The following EPHA3 variants were observed in gnomAD, a reference collection of about 807,000 sequenced individuals.
The protein encoded by EPHA3 is ephrin type-A receptor 3.
A neutral mutation model predicts 107.1 loss-of-function variants in EPHA3; 42 were observed. The ratio of observed to expected loss-of-function variants is 0.39; its 90% CI spans 0.31 to 0.51. EPHA3 has a LOEUF of 0.51. EPHA3 is among the 20% of genes least tolerant of loss of function. EPHA3 has a pLI of 0.78. For synonymous variants in EPHA3, 461 were observed against 424.8 expected (o/e 1.09, Z -1.05); for missense variants, 1,183 against 1,211.2 (o/e 0.98, Z 0.35).
chr3:89,428,187 T>C (rs1709495208), intron 11 of EPHA3, among the ~76,000 whole-genome samples: 1 of 151,992 alleles, frequency 6.6e-6, no homozygotes, highest in African/African-American at 2.4e-5. Context: ...GTTACATTTT[T>C]CCCTCATTAT....
chr3:89,118,452 A>T (rs1707305353), intron 1 of EPHA3, among the ~76,000 whole-genome samples: 1 of 151,952 alleles, frequency 6.6e-6, no homozygotes, highest in African/African-American at 2.4e-5. Flanking sequence ...AACTAAAAAG[A>T]TATAAAATTA....
Position 89,120,437 on chromosome 3 carries a change from G to C in EPHA3, c.89-6772G>C, listed in dbSNP as rs181233170. ...GCACTAAAAATTCACTGGCAGTAGA[G>C]CATCACAACTCATTTATGTGAAAGG... On this transcript the variant is annotated intron_variant, in intron 1 of 16. Coordinates refer to ENST00000336596, the MANE Select transcript of EPHA3 (RefSeq NM_005233.6). 2.0e-5 allele frequency among the ~76,000 whole-genome samples: 3 copies of C among 152,242 alleles called. No homozygotes were observed. In the East Asian group the frequency reaches 5.8e-4, roughly 29 times the overall value.
chr3:89,258,542 T>G (rs925481517), intron 3 of EPHA3, among the ~76,000 whole-genome samples: 2 of 152,056 alleles, frequency 1.3e-5, no homozygotes, highest in African/African-American at 4.8e-5. Context: ...AAAAACAACA[T>G]GAAATTGAAA....
chr3:89,478,943 G>A (rs1168608993), intron 16 of EPHA3, among the ~76,000 whole-genome samples: 3 of 152,066 alleles, frequency 2.0e-5, no homozygotes, highest in East Asian at 1.9e-4. Flanking sequence ...ATTCTTCCTC[G>A]TCTCTTCTAG....
chr3:89,201,273 A>T (rs556801942), intron 2 of EPHA3, among the ~76,000 whole-genome samples: 1 of 151,968 alleles, frequency 6.6e-6, no homozygotes, highest in South Asian at 2.1e-4. Context: ...GGGAAAATCC[A>T]CCCCCATGGT....
intron 11 of EPHA3, among the ~76,000 whole-genome samples, chr3:89,421,813 A>G (rs991350265): frequency 2.0e-5 from 3 of 151,394 alleles, no homozygotes; most frequent in Non-Finnish European, 4.4e-5. Flanking sequence ...TGGTAGACTG[A>G]CAAATCTATG....
At chr3:89,234,512 T>G (rs1704706689) in intron 3 of EPHA3, among the ~76,000 whole-genome samples, 2 of 152,210 alleles carry the variant, frequency 1.3e-5, no homozygotes, top group African/African-American at 4.8e-5. Flanking sequence ...GGTTAAAATT[T>G]GAAATCCACA....
chr3:89,383,639 CTTTTTTTTTTTTTTTTT>C (rs71621546), intron 5 of EPHA3, among the ~76,000 whole-genome samples: 1 of 87,962 alleles, frequency 1.1e-5, no homozygotes, highest in Non-Finnish European at 2.3e-5. Flanking sequence ...ACTTCTTCTT[CTTTTTTTTTTTTTTTTT>C]TTTTTTTTTT....
chr3:89,360,594 T>C (rs1708073334), intron 5 of EPHA3, among the ~76,000 whole-genome samples: 1 of 150,876 alleles, frequency 6.6e-6, no homozygotes, highest in East Asian at 1.9e-4. Context: ...CACAAGAATC[T>C]CACCACTTCT....
At chr3:89,124,612 A>G (rs1704051779) in intron 1 of EPHA3, among the ~76,000 whole-genome samples, 1 of 152,056 alleles carries the variant, frequency 6.6e-6, no homozygotes, top group Non-Finnish European at 1.5e-5. Flanking sequence ...AGAAGCCACA[A>G]TGGAACTGTT....
chr3:89,128,474 G>C (rs1704138475), intron 2 of EPHA3, among the ~76,000 whole-genome samples: 1 of 152,028 alleles, frequency 6.6e-6, no homozygotes, highest in Non-Finnish European at 1.5e-5. Context: ...TCAAGTTTGA[G>C]CTGGAAAACT....
At chr3:89,252,047 A>G (rs567667347) in intron 3 of EPHA3, among the ~76,000 whole-genome samples, 19 of 152,332 alleles carry the variant, frequency 1.2e-4, no homozygotes, top group African/African-American at 3.6e-4. Flanking sequence ...CTTAGTTTCT[A>G]TAGATCTTCT....
chr3:89,300,121 C>T (rs1706447756), intron 3 of EPHA3, among the ~76,000 whole-genome samples: 1 of 152,052 alleles, frequency 6.6e-6, no homozygotes, highest in South Asian at 2.1e-4. Context: ...ACTTAACTTT[C>T]TTTATTATTT....
chr3:89,238,924 T>C (rs1704831954), intron 3 of EPHA3, among the ~76,000 whole-genome samples: 1 of 152,198 alleles, frequency 6.6e-6, no homozygotes, highest in Admixed American at 6.5e-5. Context: ...CTACCCTTTA[T>C]TAATCTCAGA....
intron 5 of EPHA3, among the ~76,000 whole-genome samples, chr3:89,374,661 A>C (rs1158008512): frequency 1.3e-5 from 2 of 151,648 alleles, no homozygotes; most frequent in East Asian, 3.9e-4. Context: ...GAAAAATCCC[A>C]TTGGTCTGGT....
chr3:89,337,152 A>T (rs1455176905), intron 3 of EPHA3, among the ~76,000 whole-genome samples: 2 of 152,200 alleles, frequency 1.3e-5, no homozygotes, highest in Admixed American at 6.5e-5. Flanking sequence ...ATGTTTTCTC[A>T]CTTGGAATAG....
At chr3:89,243,582 G>A (rs1258601118) in intron 3 of EPHA3, among the ~76,000 whole-genome samples, 1 of 152,082 alleles carries the variant, frequency 6.6e-6, no homozygotes, top group Non-Finnish European at 1.5e-5. Context: ...CATATCGTTT[G>A]CCCACTTTTT....
intron 2 of EPHA3, among the ~76,000 whole-genome samples, chr3:89,172,871 C>A (rs1212159901): frequency 1.3e-5 from 2 of 152,040 alleles, no homozygotes; most frequent in African/African-American, 2.4e-5. Flanking sequence ...TACTATAAAA[C>A]AACATTTTGA....
intron 3 of EPHA3, among the ~76,000 whole-genome samples, chr3:89,292,079 C>T (rs770527863): frequency 7.9e-5 from 12 of 152,054 alleles, no homozygotes; most frequent in Non-Finnish European, 1.6e-4. Context: ...AACAAAGACA[C>T]TATAATTCCT....
Sources: gnomAD v4.1 joint callset for allele counts (sites outside exome capture counted in the v4.1 genomes callset) on GRCh38, gnomAD v4.1.1 for gene constraint, MANE v1.5 for transcripts, NCBI Gene and HGNC (gene_info 2026-07-23, HGNC 2026-07-21) for gene names.